MMP25: variants seen among roughly 807,000 people sequenced by gnomAD.
The protein encoded by MMP25 is matrix metalloproteinase-25.
MMP25 carries 68 observed loss-of-function variants against 62.1 expected under a neutral mutation model. The ratio of observed to expected loss-of-function variants is 1.10; its 90% confidence interval spans 0.90 to 1.34. The LOEUF is 1.34. Ranked by LOEUF, MMP25 falls within the 40% of genes most tolerant of loss-of-function variation. The probability of loss-of-function intolerance (pLI) is 0.00; values close to 1 mark genes in which losing one functional copy is unlikely to be tolerated. For synonymous variants in MMP25, 407 were observed against 345.6 expected, an observed-to-expected ratio of 1.18 and a Z score of -1.97; for missense variants, 942 against 792.5, an observed-to-expected ratio of 1.19 and a Z score of -2.26.
intron 2 of MMP25, among the ~76,000 whole-genome samples, chr16:3,048,182 C>T (rs1955848927): frequency 6.6e-6 from 1 of 152,202 alleles, no homozygotes; most frequent in Non-Finnish European, 1.5e-5. Flanking sequence ...GTGGCATAGG[C>T]CTGTGGTCCC....
intron 1 of MMP25, 101 bp from the exon 2 acceptor site, chr16:3,047,314 T>C: frequency 6.7e-7 from 1 of 1,500,426 alleles, no homozygotes; most frequent in Non-Finnish European, 8.9e-7. Flanking sequence ...GGCCCTGGGC[T>C]CTGGGTGCCT....
chr16:3,057,242 A>G (rs2151163419), intron 5 of MMP25, 33 bp downstream of exon 5: 1 of 1,613,726 alleles, frequency 6.2e-7, no homozygotes, highest in Non-Finnish European at 8.5e-7. Context: ...CGAAACCATC[A>G]TTGCCCCATC....
intron 4 of MMP25, chr16:3,056,357 C>A: frequency 6.2e-6 from 1 of 161,318 alleles, no homozygotes; most frequent in Non-Finnish European, 1.4e-5. Context: ...CTGCCCTCAC[C>A]CCACCGCCCT....
At chr16:3,058,088 C>T in intron 7 of MMP25, 93 bp from the exon 8 acceptor site, 1 of 1,478,254 alleles carries the variant, frequency 6.8e-7, no homozygotes, top group South Asian at 1.2e-5. Flanking sequence ...CCTTGATTTC[C>T]AGATGGGACC....
In MMP25 at chr16:3,059,457, C is replaced by G. The variant is rs554561213; in HGVS notation, c.*359C>G. On this transcript the variant is annotated 3_prime_UTR_variant, in exon 10 of 10. Transcript: ENST00000336577. ...CGAGCCCGGGGAGGGGCGGGGAGGA[C>G]AAGGGGCGGGCCCGCGGCCTCACCC... 2.4e-3 allele frequency: 501 copies of G among 206,076 alleles called. 3 individuals carry two copies. Among genetic ancestry groups the G allele is most frequent in the African/African-American group, 0.011 (482 of 43,542 alleles). 12.8% of individuals were successfully genotyped at this position (206,076 alleles called of 1,614,324 possible).
At chr16:3,049,615 C>G (rs931762457) in intron 2 of MMP25, among the ~76,000 whole-genome samples, 1 of 152,180 alleles carries the variant, frequency 6.6e-6, no homozygotes, top group Non-Finnish European at 1.5e-5. Context: ...GAGAACTTGG[C>G]AGTGATGGTG....
Position 3,047,551 on chromosome 16 carries a change from G to A in MMP25, c.232+4G>A, listed in dbSNP as rs1271089037. 1.9e-6 allele frequency: 3 copies of A among 1,612,154 alleles called. No homozygotes were observed. Among genetic ancestry groups the A allele is most frequent in the South Asian group, 1.1e-5 (1 of 90,994 alleles). On this transcript the variant is annotated splice_donor_region_variant and intron_variant, in intron 2 of 9. Transcript: ENST00000336577. The stretch of plus-strand genomic sequence containing the variant: ...CTGCCGGAGACCGGCCGCATGGGTA[G>A]GTGGCCCCCACCCCTCCCCAGCCCT...
chr16:3,055,888 G>T, intron 4 of MMP25: 2 of 455,620 alleles, frequency 4.4e-6, no homozygotes, highest in Non-Finnish European at 8.8e-6. Context: ...GAGGAGCTGG[G>T]CTTCAGCCGG....
At chr16:3,057,261 T>G in intron 5 of MMP25, 49 bp from the exon 6 acceptor site, 1 of 1,613,808 alleles carries the variant, frequency 6.2e-7, no homozygotes, top group South Asian at 1.1e-5. Context: ...TCCAGTGTCC[T>G]CTGCAGCAGG....
chr16:3,057,768 G>C lies in MMP25; in HGVS notation c.1006+155G>C. Reference sequence around the variant, plus strand: ...GGCCGCAGTGCAGTGGTGTGATCATGGCTCACTGCAGCCTCAAAATACTGG... The same window carrying C: ...GGCCGCAGTGCAGTGGTGTGATCATCGCTCACTGCAGCCTCAAAATACTGG... On this transcript the variant is annotated intron_variant, in intron 7 of 9. Transcript: ENST00000336577. The C allele has an allele frequency of 4.3e-6, 3 of 704,332 alleles. No individual in the cohort carries two copies. In the South Asian group the frequency reaches 5.1e-5, roughly 12 times the overall value. 43.6% of individuals were successfully genotyped at this position (704,332 alleles called of 1,614,324 possible). A position where few individuals can be genotyped will look rare whatever the true frequency, so the allele number is the denominator to read the frequency against.
Position 3,058,398 on chromosome 16 carries a change from C to G in MMP25, c.1160-14C>G. On this transcript the variant is annotated splice_polypyrimidine_tract_variant and intron_variant, in intron 8 of 9. Coordinates refer to ENST00000336577, the MANE Select transcript of MMP25 (RefSeq NM_022468.5). The stretch of plus-strand genomic sequence containing the variant: ...GGGGAGCCCACCCCTGACCTCCCGG[C>G]CTCCACCCTGCAGGGCCCCAGTTCT... 2 of 1,522,856 alleles carry G rather than the reference C, an allele frequency of 1.3e-6. No individual in the cohort carries two copies. The highest frequency in any genetic ancestry group is 1.8e-6 in the Non-Finnish European group (2 of 1,135,084). The allele number at this position is 1,522,856 out of a possible 1,614,324, so 94.3% of individuals were successfully genotyped here.
rs777972996 is a variant in MMP25, at chr16:3,057,290, G to C, written c.839-20G>C. 6.2e-7 allele frequency: 1 copy of C among 1,614,068 alleles called. No homozygotes were observed. The highest frequency in any genetic ancestry group is 8.5e-7 in the Non-Finnish European group (1 of 1,179,982). ...CAGCAGGGCCAGGGGACGCACACCT[G>C]CCTGACTCTTTCCTCACAGGGAAGG... On this transcript the variant is annotated intron_variant, in intron 5 of 9. Transcript: ENST00000336577.
At position 3,060,655 on chromosome 16, in the gene MMP25, T is replaced by C. The variant is rs1047376888; in HGVS notation, c.*1557T>C. 6.6e-6 allele frequency: 1 copy of C among 152,216 alleles called. No individual in the cohort carries two copies. Among genetic ancestry groups the C allele is most frequent in the Non-Finnish European group, 1.5e-5 (1 of 68,020 alleles). 9.4% of individuals were successfully genotyped at this position (152,216 alleles called of 1,614,324 possible). On this transcript the variant is annotated 3_prime_UTR_variant, in exon 10 of 10. Transcript: ENST00000336577. ...CCTCTGTCAGTTTCTTTTCCATGTA[T>C]GAGGAGGGGGAAATTTGTATATTAG...
chr16:3,054,861 G>A (rs1410554709), intron 4 of MMP25: 1 of 155,740 alleles, frequency 6.4e-6, no homozygotes, highest in Non-Finnish European at 1.4e-5. Context: ...GGCAGAGATG[G>A]ATGGGTGGGT....
chr16:3,049,907 C>T (rs1331789053), intron 2 of MMP25, 102 bp from the exon 3 acceptor site: 4 of 1,552,844 alleles, frequency 2.6e-6, no homozygotes, highest in South Asian at 1.1e-5. Flanking sequence ...TTCTTGAGCC[C>T]TCTGAGCCTC....
Position 3,057,176 on chromosome 16 carries a change from C to G in MMP25, c.805C>G (p.Gln269Glu). 6.2e-7 allele frequency: 1 copy of G among 1,612,770 alleles called. No homozygotes were observed. Among genetic ancestry groups the G allele is most frequent in the African/African-American group, 1.3e-5 (1 of 75,018 alleles). ...VGDPDKYRLS[Q>E]DDRDGLQQLY... is the part of the protein sequence containing the mutation. The stretch of plus-strand genomic sequence containing the variant: ...CGACCCTGACAAGTACCGCCTGTCT[C>G]AGGATGACCGCGATGGCCTGCAGCA... The change falls in exon 5 of 10, where the codon CAG (glutamine) becomes GAG (glutamate). Residue 269 changes from glutamine (Q) to glutamate (E), a missense_variant. Transcript: ENST00000336577.
intron 4 of MMP25, chr16:3,051,720 A>G (rs1400212453): frequency 6.6e-6 from 1 of 152,186 alleles, no homozygotes; most frequent in African/African-American, 2.4e-5. Flanking sequence ...ACAGCTCCAC[A>G]GAATCCCAGC....
chr16:3,058,026 G>GGAAAAGTCTCA, intron 7 of MMP25, 155 bp from the exon 8 acceptor site: 1 of 866,104 alleles, frequency 1.2e-6, no homozygotes, highest in Non-Finnish European at 1.7e-6. Flanking sequence ...CGCTAAAAAG[G>GGAAAAGTCTCA]GAAAAGTCTC....
Position 3,058,509 on chromosome 16 carries a change from G to A in MMP25, c.1257G>A (p.Val419=), listed in dbSNP as rs372956243. The A allele has an allele frequency of 1.1e-5, 17 of 1,610,178 alleles. No individual in the cohort carries two copies. The African/African-American group carries it at 1.9e-4, about 18-fold the overall frequency. ...CCCCGGGAGAGGAGGTGGACGCCGT[G>A]TTCTCGTGGCCACAGAACGGGAAGA... The part of the protein sequence containing the change: ...GLPPGEEVDA[V]FSWPQNGKTY... The change falls in exon 9 of 10, where the codon GTG becomes GTA. Residue 419 remains valine, a synonymous_variant. Coordinates refer to ENST00000336577, the MANE Select transcript of MMP25 (RefSeq NM_022468.5).
Sources: gnomAD v4.1 joint callset for allele counts (sites outside exome capture counted in the v4.1 genomes callset) on GRCh38, gnomAD v4.1.1 for gene constraint, MANE v1.5 for transcripts, NCBI Gene and HGNC (gene_info 2026-07-23, HGNC 2026-07-21) for gene names.